Variants in SPOCK3 observed in about 807,000 individuals in gnomAD.
SPOCK3 encodes the protein SPARC (osteonectin), cwcv and kazal like domains proteoglycan 3, also known as testican-3.
In SPOCK3, 30 loss-of-function variants were observed where a neutral mutation model predicts 56.6. The observed-to-expected ratio is 0.53, with a 90% CI of 0.40 to 0.72. SPOCK3 has a LOEUF of 0.72. Ranked by LOEUF, SPOCK3 falls within the 30% of genes least tolerant of loss-of-function variation. The pLI is 0.00. For synonymous variants in SPOCK3, 196 were observed against 183.3 expected, an observed-to-expected ratio of 1.07 and a Z score of -0.56; for missense variants, 527 against 530.0, an observed-to-expected ratio of 0.99 and a Z score of 0.06.
intron 4 of SPOCK3, among the ~76,000 whole-genome samples, chr4:166,956,931 C>G (rs1056490882): frequency 2.0e-5 from 3 of 152,164 alleles, no homozygotes; most frequent in Non-Finnish European, 4.4e-5. Context: ...CCCAACTCTT[C>G]CCTTGCACTC....
chr4:166,739,946 G>A (rs765835882), intron 9 of SPOCK3, among the ~76,000 whole-genome samples: 14 of 152,072 alleles, frequency 9.2e-5, no homozygotes, highest in Middle Eastern at 3.4e-3. Context: ...ACTTCAGAAC[G>A]CTTTCTATGG....
At chr4:166,833,817 A>G (rs1400759973) in intron 6 of SPOCK3, among the ~76,000 whole-genome samples, 6 of 152,016 alleles carry the variant, frequency 3.9e-5, no homozygotes, top group Non-Finnish European at 8.8e-5. Flanking sequence ...GTGGTAGCCA[A>G]ACTCTGTCTT....
intron 6 of SPOCK3, among the ~76,000 whole-genome samples, chr4:166,881,933 G>A (rs28567527): frequency 0.077 from 11,736 of 151,974 alleles, 539 homozygotes; most frequent in Non-Finnish European, 0.1. Flanking sequence ...CCTTATTATC[G>A]TACATTATAT....
chr4:167,163,467 T>C (rs542042357), intron 2 of SPOCK3, among the ~76,000 whole-genome samples: 95 of 152,130 alleles, frequency 6.2e-4, no homozygotes, highest in Non-Finnish European at 1.1e-3. Context: ...TATTTCTAAA[T>C]GTACAATAAA....
intron 2 of SPOCK3, among the ~76,000 whole-genome samples, chr4:167,151,867 A>G (rs1455717242): frequency 1.3e-5 from 2 of 152,148 alleles, no homozygotes; most frequent in Admixed American, 1.3e-4. Context: ...CAGCAGCTGT[A>G]TGGTTTCATT....
At chr4:167,152,666 A>G (rs1357606489) in intron 2 of SPOCK3, among the ~76,000 whole-genome samples, 2 of 152,222 alleles carry the variant, frequency 1.3e-5, no homozygotes, top group African/African-American at 4.8e-5. Flanking sequence ...GTGCTTGTTG[A>G]TGGCTGAGAG....
intron 3 of SPOCK3, among the ~76,000 whole-genome samples, chr4:167,030,652 T>G (rs1050217445): frequency 4.6e-5 from 7 of 152,026 alleles, no homozygotes; most frequent in Non-Finnish European, 7.4e-5. Flanking sequence ...CTGGCTCAAT[T>G]TCATGGTTCA....
At chr4:167,102,965 C>A (rs920299937) in intron 2 of SPOCK3, among the ~76,000 whole-genome samples, 89 of 142,470 alleles carry the variant, frequency 6.2e-4, no homozygotes, top group Non-Finnish European at 9.1e-4. Flanking sequence ...CTTCTTTCTG[C>A]TTGAGGGGAA....
At chr4:166,831,476 A>G (rs1746045719) in intron 6 of SPOCK3, among the ~76,000 whole-genome samples, 1 of 152,138 alleles carries the variant, frequency 6.6e-6, no homozygotes, top group Non-Finnish European at 1.5e-5. Flanking sequence ...TAGGATAAAA[A>G]AGATATACGG....
rs1734498994 is a variant in SPOCK3 at position 166,889,154 on chromosome 4, T to C, written c.565A>G (p.Ser189Gly). 1.9e-6 allele frequency: 3 copies of C among 1,609,612 alleles called. No individual in the cohort carries two copies. Among genetic ancestry groups the C allele is most frequent in the South Asian group, 2.2e-5 (2 of 90,958 alleles). The stretch of plus-strand genomic sequence containing the variant: ...CCTCTCTTAACATTTCTGCTTGTAC[T>C]GGTGGGCTTATCTGAAGGACATGGG... ...HCPCPSDKPT[S>G]TSRNVKRACS... The change falls in exon 6 of 11, where the codon AGT (serine) becomes GGT (glycine). Residue 189 changes from serine (S) to glycine (G), a missense_variant. Physicochemically the swap from Ser to Gly is moderately conservative, Grantham distance 56. Coordinates refer to ENST00000357545, the MANE Select transcript of SPOCK3 (RefSeq NM_001040159.2).
intron 5 of SPOCK3, among the ~76,000 whole-genome samples, 162 bp downstream of exon 5, chr4:166,912,458 C>G (rs1356700195): frequency 6.6e-6 from 1 of 151,696 alleles, no homozygotes; most frequent in African/African-American, 2.4e-5. Context: ...ATAGAAAAAA[C>G]AAATGCACAT....
Position 166,912,098 on chromosome 4 carries a change from T to C in SPOCK3, c.474+522A>G, listed in dbSNP as rs1049266984. 6.6e-5 allele frequency among the ~76,000 whole-genome samples: 10 copies of C among 152,262 alleles called. No homozygotes were observed. In the East Asian group the frequency reaches 1.9e-3, roughly 29 times the overall value. ...CACTTAATTGGGAGGAACAACAATG[T>C]AGAAGAGAGAGCAAAGGCATTGAAT... On this transcript the variant is annotated intron_variant, in intron 5 of 10. Coordinates refer to ENST00000357545, the MANE Select transcript of SPOCK3 (RefSeq NM_001040159.2).
chr4:166,840,963 A>G (rs988817392), intron 6 of SPOCK3, among the ~76,000 whole-genome samples: 5 of 151,130 alleles, frequency 3.3e-5, no homozygotes, highest in Admixed American at 1.3e-4. Flanking sequence ...TATTTTTCGT[A>G]GCGACGGGGT....
rs901046206 is a variant in SPOCK3, at chr4:167,086,023, G to A, written c.190-23486C>T. Among the ~76,000 whole-genome samples, 21 of 152,046 alleles carry A rather than the reference G, an allele frequency of 1.4e-4. 1 individual carries two copies. Among genetic ancestry groups the A allele is most frequent in the African/African-American group, 3.1e-4 (13 of 41,530 alleles). ...CTAGGCTATGAGAAAGTAAATTATC[G>A]GTGGAAACTTTCTTTTTACAGTTCT... is the stretch of plus-strand genomic sequence containing the variant. On this transcript the variant is annotated intron_variant, in intron 2 of 10. Coordinates refer to ENST00000357545, the MANE Select transcript of SPOCK3 (RefSeq NM_001040159.2).
chr4:167,065,187 G>A (rs898250666), intron 2 of SPOCK3, among the ~76,000 whole-genome samples: 2 of 151,628 alleles, frequency 1.3e-5, no homozygotes, highest in African/African-American at 4.8e-5. Flanking sequence ...CACCCAAAAG[G>A]ATGTGGCCAA....
intron 4 of SPOCK3, among the ~76,000 whole-genome samples, chr4:166,955,545 T>C (rs10030094): frequency 3.5e-5 from 5 of 140,944 alleles, no homozygotes; most frequent in African/African-American, 1.4e-4. Context: ...TTAATATTAT[T>C]AAATTATATT....
Position 166,993,285 on chromosome 4 carries a change from T to TA in SPOCK3, c.350+7063_350+7064insT, listed in dbSNP as rs775318298. ...CATGCAAGGGCTTAGCTATGCTCACTCAAAAAAAATTGACATCCCTTGAGG... is the reference window on the plus strand; with the variant it reads ...CATGCAAGGGCTTAGCTATGCTCACTACAAAAAAAATTGACATCCCTTGAGG... On this transcript the variant is annotated intron_variant, in intron 4 of 10. Coordinates refer to ENST00000357545, the MANE Select transcript of SPOCK3 (RefSeq NM_001040159.2). Among the ~76,000 whole-genome samples, 117 of 151,834 alleles carry TA rather than the reference T, an allele frequency of 7.7e-4. No individual in the cohort carries two copies. In the East Asian group the frequency reaches 0.017, roughly 21 times the overall value.
chr4:167,140,839 C>A (rs1490468575), intron 2 of SPOCK3, among the ~76,000 whole-genome samples: 2 of 151,970 alleles, frequency 1.3e-5, no homozygotes, highest in African/African-American at 4.8e-5. Context: ...GCCTCCATCC[C>A]CTATCGTTCT....
chr4:167,026,720 A>C (rs1751725774), intron 3 of SPOCK3, among the ~76,000 whole-genome samples: 1 of 152,070 alleles, frequency 6.6e-6, no homozygotes, highest in South Asian at 2.1e-4. Flanking sequence ...TTTTACATCT[A>C]GATATTGTAT....
Sources: allele counts gnomAD v4.1 joint callset (sites outside exome capture counted in the v4.1 genomes callset), GRCh38; gene constraint gnomAD v4.1.1; transcripts MANE v1.5; gene names NCBI Gene and HGNC (gene_info 2026-07-23, HGNC 2026-07-21).